Variants in RERE observed in about 807,000 individuals in gnomAD.
The protein encoded by RERE is arginine-glutamic acid dipeptide repeats protein.
A neutral mutation model predicts 146.1 loss-of-function variants in RERE; 40 were observed. The observed-to-expected ratio is 0.27, with a 90% CI of 0.21 to 0.36. RERE has a LOEUF of 0.36. Ranked by LOEUF, RERE falls within the 10% of genes least tolerant of loss-of-function variation. The probability of loss-of-function intolerance (pLI) is 1.00; values close to 1 mark genes in which losing one functional copy is unlikely to be tolerated. For synonymous variants in RERE, 1,003 were observed against 866.0 expected (o/e 1.16, Z -2.78); for missense variants, 1,933 against 2,138.7 (o/e 0.90, Z 1.90).
At chr1:8,650,105 C>A (rs568111408) in intron 2 of RERE, among the ~76,000 whole-genome samples, 20 of 152,110 alleles carry the variant, frequency 1.3e-4, no homozygotes, top group African/African-American at 4.8e-4. Flanking sequence ...ATGCTGAGCT[C>A]CTAAGGACAA....
intron 12 of RERE, among the ~76,000 whole-genome samples, chr1:8,415,360 C>T (rs1036175928): frequency 6.6e-6 from 1 of 152,176 alleles, no homozygotes; most frequent in South Asian, 2.1e-4. Flanking sequence ...CAAGACACAG[C>T]CAAATCATAA....
intron 11 of RERE, among the ~76,000 whole-genome samples, chr1:8,446,575 G>A (rs1644322778): frequency 6.6e-6 from 1 of 152,192 alleles, no homozygotes; most frequent in Non-Finnish European, 1.5e-5. Context: ...CCCGAAGAGT[G>A]TTTTCCAACT....
intron 7 of RERE, chr1:8,525,660 G>T: frequency 1.6e-6 from 2 of 1,267,762 alleles, no homozygotes; most frequent in Non-Finnish European, 2.1e-6. Flanking sequence ...TCAGGAACAT[G>T]CACTATGAAT....
intron 12 of RERE, among the ~76,000 whole-genome samples, chr1:8,386,135 C>A (rs1311506958): frequency 2.1e-5 from 3 of 142,302 alleles, no homozygotes; most frequent in Non-Finnish European, 4.5e-5. Flanking sequence ...TTATAAATTT[C>A]ATGAATACTT....
intron 1 of RERE, among the ~76,000 whole-genome samples, chr1:8,696,917 AAAAAT>A (rs1470083813): frequency 1.3e-5 from 2 of 151,522 alleles, no homozygotes; most frequent in African/African-American, 2.4e-5. Context: ...CTCAAAAATA[AAAAAT>A]AAAATAAAAA....
At position 8,447,145 on chromosome 1, in the gene RERE, G is replaced by T. The variant is rs138001388; in HGVS notation, c.1203+18780C>A. 8.0e-3 allele frequency among the ~76,000 whole-genome samples: 1,208 copies of T among 150,668 alleles called. 12 individuals are homozygous for T. The highest frequency in any genetic ancestry group is 0.028 in the African/African-American group (1,150 of 40,946). On this transcript the variant is annotated intron_variant, in intron 11 of 22. Coordinates refer to ENST00000400908, the MANE Select transcript of RERE (RefSeq NM_001042681.2). ...GCTGTTTTTTTTTTCAGCTCCATCAGATCATTTATGTTCTTCTCTAAACTG... is the reference window on the plus strand; with the variant it reads ...GCTGTTTTTTTTTTCAGCTCCATCATATCATTTATGTTCTTCTCTAAACTG...
At chr1:8,759,542 A>T (rs1640709667) in intron 1 of RERE, among the ~76,000 whole-genome samples, 1 of 152,224 alleles carries the variant, frequency 6.6e-6, no homozygotes, top group Non-Finnish European at 1.5e-5. Flanking sequence ...GAAAAAACAG[A>T]ACGAAAACTG....
chr1:8,779,747 T>C (rs1291186308), intron 1 of RERE, among the ~76,000 whole-genome samples: 1 of 151,900 alleles, frequency 6.6e-6, no homozygotes, highest in Non-Finnish European at 1.5e-5. Flanking sequence ...CCTAGAACAA[T>C]GACAATCACT....
chr1:8,453,670 G>A (rs557432002), intron 11 of RERE, among the ~76,000 whole-genome samples: 1 of 152,100 alleles, frequency 6.6e-6, no homozygotes, highest in Non-Finnish European at 1.5e-5. Flanking sequence ...GCCGGGTGTG[G>A]TGACACACAC....
At chr1:8,707,719 TCCAG>T (rs1002876106) in intron 1 of RERE, among the ~76,000 whole-genome samples, 1 of 152,180 alleles carries the variant, frequency 6.6e-6, no homozygotes, top group African/African-American at 2.4e-5. Flanking sequence ...CCCAACGTCA[TCCAG>T]CAAACAGTGA....
chr1:8,615,544 T>G (rs902448938), intron 3 of RERE, among the ~76,000 whole-genome samples: 5 of 152,180 alleles, frequency 3.3e-5, no homozygotes, highest in Non-Finnish European at 7.4e-5. Context: ...TAAACCAATT[T>G]CATGTGGTTT....
In RERE at chr1:8,797,032, C is replaced by G. The variant is rs553616821; in HGVS notation, c.-145+20128G>C. On this transcript the variant is annotated intron_variant, in intron 1 of 22. Transcript: ENST00000400908. The stretch of plus-strand genomic sequence containing the variant: ...AGACAAGGGCTGTCAGAGGACCCAA[C>G]AGACGGAAGCCAGTGCTAGAAGACA... Among the ~76,000 whole-genome samples the G allele has an allele frequency of 2.0e-5, 3 of 151,890 alleles. No individual in the cohort carries two copies. In the East Asian group the frequency reaches 5.8e-4, roughly 29 times the overall value.
chr1:8,518,423 A>G lies in RERE; in HGVS notation c.831-9748T>C, dbSNP rs1347608760. Among the ~76,000 whole-genome samples, 4 of 152,190 alleles carry G rather than the reference A, an allele frequency of 2.6e-5. No individual in the cohort carries two copies. The East Asian group carries it at 7.7e-4, about 29-fold the overall frequency. ...TCTCTCCCTGTCCTTCAGATGGTAA[A>G]TATCACACAGCAGACATTCTTATCT... On this transcript the variant is annotated intron_variant, in intron 7 of 22. Coordinates refer to ENST00000400908, the MANE Select transcript of RERE (RefSeq NM_001042681.2).
Position 8,599,015 on chromosome 1 carries a change from CAAGCCCAGT to C in RERE, c.522+15537_522+15545del, listed in dbSNP as rs1175059592. 1.4e-4 allele frequency among the ~76,000 whole-genome samples: 22 copies of C among 152,342 alleles called. No homozygotes were observed. In the East Asian group the frequency reaches 4.1e-3, roughly 28 times the overall value. The stretch of plus-strand genomic sequence containing the variant: ...ACTGCAATTGTGCTGTTCCAACTGA[CAAGCCCAGT>C]AAGCACTGCCCATGACAGGACCTCC... On this transcript the variant is annotated intron_variant, in intron 4 of 22. Coordinates refer to ENST00000400908, the MANE Select transcript of RERE (RefSeq NM_001042681.2).
intron 1 of RERE, among the ~76,000 whole-genome samples, chr1:8,704,148 T>C (rs1639514397): frequency 6.6e-6 from 1 of 152,242 alleles, no homozygotes; most frequent in Non-Finnish European, 1.5e-5. Context: ...CTTAACAGAT[T>C]ACCAACTGTT....
At chr1:8,366,105 C>T in intron 12 of RERE, 131 bp from the exon 13 acceptor site, 1 of 988,956 alleles carries the variant, frequency 1.0e-6, no homozygotes, top group South Asian at 1.6e-5. Flanking sequence ...CCAGTCGCTC[C>T]TGGAGTTGGG....
chr1:8,774,649 C>T lies in RERE; in HGVS notation c.-145+42511G>A, dbSNP rs114637261. Among the ~76,000 whole-genome samples the T allele has an allele frequency of 6.0e-3, 913 of 152,102 alleles. 7 individuals carry two copies. The highest frequency in any genetic ancestry group is 0.021 in the African/African-American group (886 of 41,480). On this transcript the variant is annotated intron_variant, in intron 1 of 22. Transcript: ENST00000400908. Reference sequence around the variant, plus strand: ...GACTACAGGCATGAGTCACCACACCCGGCCATCATTTTGGCAAACTATTAA... The same window carrying T: ...GACTACAGGCATGAGTCACCACACCTGGCCATCATTTTGGCAAACTATTAA...
Position 8,495,182 on chromosome 1 carries a change from T to C in RERE, c.1005-20A>G. ...ATGCTCCTTCAGAAGAAAAGGTTTT[T>C]CCTTTATTAGTACATAGTAATATCA... On this transcript the variant is annotated intron_variant, in intron 9 of 22. Coordinates refer to ENST00000400908, the MANE Select transcript of RERE (RefSeq NM_001042681.2). 1 of 1,572,796 alleles carries C rather than the reference T, an allele frequency of 6.4e-7. No individual in the cohort carries two copies. The highest frequency in any genetic ancestry group is 8.8e-7 in the Non-Finnish European group (1 of 1,142,608).
At chr1:8,498,456 G>T (rs1395702960) in intron 8 of RERE, among the ~76,000 whole-genome samples, 1 of 151,832 alleles carries the variant, frequency 6.6e-6, no homozygotes, top group Non-Finnish European at 1.5e-5. Flanking sequence ...AGCACTTTGG[G>T]AGGCTGAGGT....
Sources: gnomAD v4.1 joint callset for allele counts (sites outside exome capture counted in the v4.1 genomes callset) on GRCh38, gnomAD v4.1.1 for gene constraint, MANE v1.5 for transcripts, NCBI Gene and HGNC (gene_info 2026-07-23, HGNC 2026-07-21) for gene names.